PCBP3: variants seen among roughly 807,000 people sequenced by gnomAD.
PCBP3 encodes the protein poly(rC)-binding protein 3.
Under a neutral mutation model 52.7 loss-of-function variants are expected in PCBP3, and 25 were observed. The ratio of observed to expected loss-of-function variants is 0.47; its 90% CI spans 0.35 to 0.66. The LOEUF is 0.66. Among genes scored for constraint, PCBP3 ranks in the 30% least tolerant of loss-of-function variants. The pLI, the probability that PCBP3 is intolerant of heterozygous loss-of-function variation, is 0.01. For missense variants in PCBP3, 391 were observed against 490.3 expected, an observed-to-expected ratio of 0.80 and a Z score of 1.91; for synonymous variants, 162 against 183.0, an observed-to-expected ratio of 0.89 and a Z score of 0.93.
chr21:45,840,037 T>C (rs1285320510), intron 4 of PCBP3, among the ~76,000 whole-genome samples: 1 of 152,128 alleles, frequency 6.6e-6, no homozygotes, highest in Non-Finnish European at 1.5e-5. Flanking sequence ...ATAACAATTT[T>C]AAGAATAGAA....
At chr21:45,767,950 T>C (rs2089508371) in intron 4 of PCBP3, among the ~76,000 whole-genome samples, 1 of 152,272 alleles carries the variant, frequency 6.6e-6, no homozygotes, top group Non-Finnish European at 1.5e-5. Context: ...TAGTGAACTC[T>C]AGCAGGTTTG....
chr21:45,695,769 C>T (rs1182441153), intron 2 of PCBP3, among the ~76,000 whole-genome samples: 1 of 152,060 alleles, frequency 6.6e-6, no homozygotes, highest in Non-Finnish European at 1.5e-5. Context: ...GCACCACCTA[C>T]AATTAAGCAC....
intron 13 of PCBP3, among the ~76,000 whole-genome samples, chr21:45,919,688 C>G (rs2074122222): frequency 6.6e-6 from 1 of 152,164 alleles, no homozygotes; most frequent in Admixed American, 6.5e-5. Flanking sequence ...ACATCTCATC[C>G]TGGGGTCAGC....
Position 45,729,138 on chromosome 21 carries a change from C to A in PCBP3, c.-199-6254C>A, listed in dbSNP as rs1005983564. ...TTTTGTCTCTATGGACTTGCCTGTT[C>A]TAGATATTTCATCTGAAGAAATAAT... On this transcript the variant is annotated intron_variant, in intron 2 of 17. Coordinates refer to ENST00000681687, the MANE Select transcript of PCBP3 (RefSeq NM_001384156.1). 3.3e-5 allele frequency among the ~76,000 whole-genome samples: 5 copies of A among 152,280 alleles called. No individual in the cohort carries two copies. The East Asian group carries it at 9.6e-4, about 29-fold the overall frequency.
At chr21:45,730,553 A>C in intron 2 of PCBP3, among the ~76,000 whole-genome samples, 1 of 152,180 alleles carries the variant, frequency 6.6e-6, no homozygotes, top group East Asian at 1.9e-4. Flanking sequence ...ATAATGTTGG[A>C]TGATAATGTT....
At chr21:45,855,021 GA>G (rs2148313780) in intron 5 of PCBP3, among the ~76,000 whole-genome samples, 2 of 152,338 alleles carry the variant, frequency 1.3e-5, no homozygotes, top group South Asian at 4.1e-4. Context: ...ACAGCTCGAA[GA>G]GCAGGAAAGG....
At chr21:45,930,167 G>C (rs766420355) in intron 14 of PCBP3, among the ~76,000 whole-genome samples, 172 bp downstream of exon 14, 1 of 151,986 alleles carries the variant, frequency 6.6e-6, no homozygotes, top group Non-Finnish European at 1.5e-5. Context: ...GGGACAGGGT[G>C]GGGGCGGGAG....
intron 4 of PCBP3, among the ~76,000 whole-genome samples, chr21:45,772,801 G>T (rs1012609457): frequency 1.3e-5 from 2 of 152,086 alleles, no homozygotes; most frequent in Non-Finnish European, 2.9e-5. Context: ...TCTCATTGTG[G>T]TTTTGATTTG....
In PCBP3 at chr21:45,652,319, G is replaced by T. The variant is rs1219145762; in HGVS notation, c.-279+8451G>T. Among the ~76,000 whole-genome samples the T allele has an allele frequency of 2.0e-4, 31 of 152,040 alleles. 1 individual carries two copies. Among genetic ancestry groups the T allele is most frequent in the Admixed American group, 2.0e-3 (31 of 15,264 alleles). The stretch of plus-strand genomic sequence containing the variant: ...GATGTTTGTGTAGAAAATTTCTAAA[G>T]GAAAGATTAGCATAAAAAGCAGAAT... On this transcript the variant is annotated intron_variant, in intron 1 of 17. Transcript: ENST00000681687.
chr21:45,823,443 C>T (rs752851121), intron 4 of PCBP3, among the ~76,000 whole-genome samples: 20 of 152,196 alleles, frequency 1.3e-4, no homozygotes, highest in Non-Finnish European at 2.5e-4. Context: ...CATTTAACCC[C>T]CTTGACCTCC....
chr21:45,867,132 T>C (rs535565383), intron 5 of PCBP3, among the ~76,000 whole-genome samples: 2 of 152,296 alleles, frequency 1.3e-5, no homozygotes, highest in South Asian at 4.2e-4. Flanking sequence ...TAGAAGCGTG[T>C]GTGGCTGTTT....
At chr21:45,836,474 A>G (rs1293620155) in intron 4 of PCBP3, 3 of 148,858 alleles carry the variant, frequency 2.0e-5, no homozygotes, top group Admixed American at 6.8e-5. Context: ...CCTTCCTGCC[A>G]TCCTTTGTAA....
intron 4 of PCBP3, among the ~76,000 whole-genome samples, chr21:45,786,126 CAATAAAAA>C (rs2091133789): frequency 8.2e-6 from 1 of 122,562 alleles, no homozygotes; most frequent in East Asian, 2.2e-4. Flanking sequence ...CAAGAATGAT[CAATAAAAA>C]AATAAATAAA....
intron 4 of PCBP3, among the ~76,000 whole-genome samples, chr21:45,806,016 T>A (rs1313581787): frequency 6.6e-6 from 1 of 152,158 alleles, no homozygotes; most frequent in Non-Finnish European, 1.5e-5. Flanking sequence ...GAGAGGGCGG[T>A]CCACACGAAT....
At chr21:45,766,032 A>G (rs2089284601) in intron 4 of PCBP3, among the ~76,000 whole-genome samples, 1 of 152,246 alleles carries the variant, frequency 6.6e-6, no homozygotes, top group South Asian at 2.1e-4. Flanking sequence ...ATGTTGGCAC[A>G]GTTAAAGCAG....
At chr21:45,652,691 C>T (rs890008472) in intron 1 of PCBP3, among the ~76,000 whole-genome samples, 2 of 152,146 alleles carry the variant, frequency 1.3e-5, no homozygotes. Context: ...GATCTGCCCG[C>T]CTCGGCCTCC....
chr21:45,849,398 G>A (rs898050856), intron 4 of PCBP3, among the ~76,000 whole-genome samples: 1 of 151,882 alleles, frequency 6.6e-6, no homozygotes, highest in Admixed American at 6.6e-5. Flanking sequence ...AGAGATGGGG[G>A]TTTCACCATG....
intron 2 of PCBP3, among the ~76,000 whole-genome samples, chr21:45,708,883 A>G (rs1344525663): frequency 1.3e-5 from 2 of 152,260 alleles, no homozygotes; most frequent in African/African-American, 4.8e-5. Context: ...AAAGCTCTGC[A>G]TATGGCTGGG....
chr21:45,941,460 C>A (rs2077460992), intron 17 of PCBP3, among the ~76,000 whole-genome samples: 1 of 152,186 alleles, frequency 6.6e-6, no homozygotes, highest in Non-Finnish European at 1.5e-5. Context: ...GGCTGGCTCA[C>A]ACACCTGACG....
Sources: allele counts gnomAD v4.1 joint callset (sites outside exome capture counted in the v4.1 genomes callset), GRCh38; gene constraint gnomAD v4.1.1; transcripts MANE v1.5; gene names NCBI Gene and HGNC (gene_info 2026-07-23, HGNC 2026-07-21).